CAP2: variants seen among roughly 807,000 people sequenced by gnomAD.
CAP2 encodes the protein adenylyl cyclase-associated protein 2.
A neutral mutation model predicts 57.7 loss-of-function variants in CAP2; 24 were observed. That is an observed-to-expected ratio of 0.42 (90% CI 0.30 to 0.58). CAP2 has a LOEUF of 0.58. Among genes scored for constraint, CAP2 ranks in the 20% least tolerant of loss-of-function variants. The pLI, the probability that CAP2 is intolerant of heterozygous loss-of-function variation, is 0.22. For missense variants in CAP2, 501 were observed against 590.3 expected, an observed-to-expected ratio of 0.85 and a Z score of 1.57; for synonymous variants, 194 against 207.2, an observed-to-expected ratio of 0.94 and a Z score of 0.55.
chr6:17,530,452 T>C (rs1019947349), intron 7 of CAP2, among the ~76,000 whole-genome samples: 10 of 152,158 alleles, frequency 6.6e-5, no homozygotes, highest in Non-Finnish European at 1.3e-4. Flanking sequence ...CTAGAGATCA[T>C]TAATGGTAAG....
chr6:17,440,415 A>G (rs1760036804), intron 3 of CAP2, among the ~76,000 whole-genome samples: 1 of 151,584 alleles, frequency 6.6e-6, no homozygotes, highest in South Asian at 2.1e-4. Flanking sequence ...TTTTCAGTTG[A>G]TTATTCAGCA....
chr6:17,527,666 G>A (rs931884489), intron 7 of CAP2, among the ~76,000 whole-genome samples: 1 of 141,486 alleles, frequency 7.1e-6, no homozygotes, highest in East Asian at 2.0e-4. Flanking sequence ...GCACGATCTC[G>A]GCTCGCTGCA....
chr6:17,496,037 G>GCGGGGT (rs1561804683), intron 4 of CAP2, among the ~76,000 whole-genome samples: 13 of 132,368 alleles, frequency 9.8e-5, no homozygotes, highest in African/African-American at 3.3e-4. Flanking sequence ...TGGGGGGGGG[G>GCGGGGT]GGTAAGTCAG....
intron 7 of CAP2, among the ~76,000 whole-genome samples, chr6:17,518,289 A>C (rs1762315687): frequency 6.6e-6 from 1 of 152,202 alleles, no homozygotes; most frequent in Non-Finnish European, 1.5e-5. Flanking sequence ...AATTTCTTTT[A>C]AATTATTAAA....
At chr6:17,540,937 A>G in intron 8 of CAP2, 36 bp from the exon 9 acceptor site, 2 of 1,571,642 alleles carry the variant, frequency 1.3e-6, no homozygotes, top group South Asian at 1.1e-5. Context: ...TTCCCTTTGC[A>G]TAAAATAAAT....
chr6:17,496,021 T>G (rs1761656200), intron 4 of CAP2, among the ~76,000 whole-genome samples: 1 of 3,852 alleles, frequency 2.6e-4, no homozygotes. Context: ...TGCATGCGTG[T>G]GTGGGTGGGG....
At chr6:17,475,206 A>AG (rs201512363) in intron 4 of CAP2, among the ~76,000 whole-genome samples, 5,573 of 151,912 alleles carry the variant, frequency 0.037, 349 homozygotes, top group African/African-American at 0.13. Context: ...AAAAAAAAAA[A>AG]AAAGAAAGAA....
At chr6:17,423,948 A>C (rs1019782964) in intron 2 of CAP2, among the ~76,000 whole-genome samples, 4 of 152,304 alleles carry the variant, frequency 2.6e-5, no homozygotes, top group Non-Finnish European at 5.9e-5. Flanking sequence ...ATCCTAAACA[A>C]CACCATTTCC....
At chr6:17,446,713 A>G (rs1760267929) in intron 3 of CAP2, among the ~76,000 whole-genome samples, 1 of 152,224 alleles carries the variant, frequency 6.6e-6, no homozygotes, top group Non-Finnish European at 1.5e-5. Flanking sequence ...TTATCATCAG[A>G]AGAGGGGAAA....
chr6:17,455,591 A>C (rs1414158842), intron 3 of CAP2, among the ~76,000 whole-genome samples: 2 of 150,484 alleles, frequency 1.3e-5, no homozygotes, highest in Admixed American at 6.6e-5. Context: ...GCTGGAGTGC[A>C]GTGGTGCAAT....
At chr6:17,496,029 G>GC (rs1554127011) in intron 4 of CAP2, among the ~76,000 whole-genome samples, 5,725 of 125,792 alleles carry the variant, frequency 0.046, 596 homozygotes, top group African/African-American at 0.055. Context: ...TGTGTGGGTG[G>GC]GGGGGGGGGG....
At chr6:17,408,199 G>A (rs1333185869) in intron 1 of CAP2, among the ~76,000 whole-genome samples, 1 of 152,202 alleles carries the variant, frequency 6.6e-6, no homozygotes, top group African/African-American at 2.4e-5. Context: ...AGAAACATCT[G>A]TTTCTGGTAA....
At chr6:17,486,961 A>G (rs1289212123) in intron 4 of CAP2, among the ~76,000 whole-genome samples, 1 of 152,222 alleles carries the variant, frequency 6.6e-6, no homozygotes, top group Non-Finnish European at 1.5e-5. Flanking sequence ...GGAGCCCTGC[A>G]GTTCTCCTTG....
intron 3 of CAP2, among the ~76,000 whole-genome samples, chr6:17,452,937 T>TA (rs924763826): frequency 1.3e-5 from 2 of 151,966 alleles, no homozygotes; most frequent in African/African-American, 2.4e-5. Flanking sequence ...TTTCTAGTTT[T>TA]AAAAAAAAGT....
rs2113717650 is a variant in CAP2 at position 17,557,269 on chromosome 6, A to G, written c.*827A>G. The stretch of plus-strand genomic sequence containing the variant: ...ATGTTAAATATCAGATGCCTTGTAA[A>G]TTATGTCTTTAACGTTTTCTTATAG... On this transcript the variant is annotated 3_prime_UTR_variant, in exon 13 of 13. Transcript: ENST00000229922. 6.6e-6 allele frequency: 1 copy of G among 152,280 alleles called. No homozygotes were observed. The highest frequency in any genetic ancestry group is 1.9e-4 in the East Asian group (1 of 5,186). The allele number at this position is 152,280 out of a possible 1,614,324, so 9.4% of individuals were successfully genotyped here. A position where few individuals can be genotyped will look rare whatever the true frequency, so the allele number is the denominator to read the frequency against.
chr6:17,496,480 T>G (rs989619936), intron 4 of CAP2, among the ~76,000 whole-genome samples: 3 of 152,096 alleles, frequency 2.0e-5, no homozygotes, highest in African/African-American at 7.2e-5. Context: ...TGCTCTGTTT[T>G]GTTTTTTTTT....
chr6:17,399,123 G>A (rs1758744946), intron 1 of CAP2, among the ~76,000 whole-genome samples: 1 of 152,198 alleles, frequency 6.6e-6, no homozygotes, highest in Non-Finnish European at 1.5e-5. Flanking sequence ...GAGTGCAGTG[G>A]CACCATCTCG....
chr6:17,436,193 C>T (rs974138614), intron 3 of CAP2, among the ~76,000 whole-genome samples: 14 of 151,820 alleles, frequency 9.2e-5, no homozygotes, highest in African/African-American at 1.9e-4. Context: ...CATGCGATTT[C>T]GGTCACTGCA....
intron 11 of CAP2, among the ~76,000 whole-genome samples, chr6:17,546,944 C>A (rs1358294705): frequency 6.6e-6 from 1 of 152,136 alleles, no homozygotes; most frequent in Non-Finnish European, 1.5e-5. Flanking sequence ...ATCGTCTCAG[C>A]CCAAAATCTC....
Sources: gnomAD v4.1 joint callset for allele counts (sites outside exome capture counted in the v4.1 genomes callset) on GRCh38, gnomAD v4.1.1 for gene constraint, MANE v1.5 for transcripts, NCBI Gene and HGNC (gene_info 2026-07-23, HGNC 2026-07-21) for gene names.